The following TOMM20L variants were observed in gnomAD, a reference collection of about 807,000 sequenced individuals.
TOMM20L encodes translocase of outer mitochondrial membrane 20 like, also known as TOMM20-like protein 1.
Under a neutral mutation model 20.4 loss-of-function variants are expected in TOMM20L, and 19 were observed. The ratio of observed to expected loss-of-function variants is 0.93; its 90% confidence interval spans 0.65 to 1.36. TOMM20L has a LOEUF of 1.36. Ranked by LOEUF, TOMM20L falls within the 40% of genes most tolerant of loss-of-function variation. TOMM20L has a pLI of 0.00. For synonymous variants in TOMM20L, 75 were observed against 79.6 expected, an observed-to-expected ratio of 0.94 and a Z score of 0.30; for missense variants, 218 against 203.7, an observed-to-expected ratio of 1.07 and a Z score of -0.43.
rs779858937 is a variant in TOMM20L, at chr14:58,408,511, ATTT to A, written c.406-16_406-14del. 5.6e-6 allele frequency: 9 copies of A among 1,612,378 alleles called. 1 individual carries two copies. Among genetic ancestry groups the A allele is most frequent in the East Asian group, 2.2e-5 (1 of 44,862 alleles). Reference sequence around the variant, plus strand: ...GCATTGAAATGATTAGCAAGTAACTATTTTATGTATTCACCAGCAATTTGAGGC... The same window carrying A: ...GCATTGAAATGATTAGCAAGTAACTATATGTATTCACCAGCAATTTGAGGC... On this transcript the variant is annotated splice_polypyrimidine_tract_variant and intron_variant, in intron 4 of 4. Transcript: ENST00000360945.
intron 2 of TOMM20L, among the ~76,000 whole-genome samples, chr14:58,397,388 C>T (rs1173866645): frequency 2.0e-5 from 3 of 152,168 alleles, no homozygotes; most frequent in Non-Finnish European, 4.4e-5. Context: ...TTGAAGCCTA[C>T]TCAATTTAAA....
chr14:58,396,478 C>T lies in TOMM20L; in HGVS notation c.180+137C>T, dbSNP rs564071540. On this transcript the variant is annotated intron_variant, in intron 2 of 4. Transcript: ENST00000360945. ...GTGCCCGGGAAGAGGCCTGCCCTCGCGCGCCACGCACCGCCTCAGGCCCAG... is the reference window on the plus strand; with the variant it reads ...GTGCCCGGGAAGAGGCCTGCCCTCGTGCGCCACGCACCGCCTCAGGCCCAG... 6.0e-5 allele frequency: 53 copies of T among 888,102 alleles called. No individual in the cohort carries two copies. In the East Asian group the frequency reaches 1.5e-3, roughly 25 times the overall value. The allele number at this position is 888,102 out of a possible 1,614,324, so 55.0% of individuals were successfully genotyped here.
chr14:58,404,350 C>T (rs2036032297), intron 3 of TOMM20L, among the ~76,000 whole-genome samples: 1 of 148,662 alleles, frequency 6.7e-6, no homozygotes, highest in Non-Finnish European at 1.5e-5. Flanking sequence ...GGGATGGTCT[C>T]GATCTCCTGA....
At chr14:58,411,942 C>A, downstream of TOMM20L, 2 of 1,613,566 alleles carry the variant, frequency 1.2e-6, no homozygotes, top group Non-Finnish European at 1.7e-6. Flanking sequence ...ATTTGTGCAG[C>A]CATATTCTTC....
intron 2 of TOMM20L, among the ~76,000 whole-genome samples, chr14:58,400,041 T>G (rs1298666218): frequency 6.6e-6 from 1 of 151,550 alleles, no homozygotes; most frequent in Non-Finnish European, 1.5e-5. Context: ...CTTATGCTGT[T>G]AGAGTAAATT....
At chr14:58,408,417 C>CA (rs372466195) in intron 4 of TOMM20L, 112 bp from the exon 5 acceptor site, 131,960 of 703,888 alleles carry the variant, frequency 0.19, 61 homozygotes, top group Non-Finnish European at 0.2. Context: ...AACTCCGTCT[C>CA]AAAAAAAAAA....
intron 3 of TOMM20L, among the ~76,000 whole-genome samples, chr14:58,403,950 T>C (rs2036021539): frequency 6.7e-6 from 1 of 148,748 alleles, no homozygotes; most frequent in Admixed American, 6.9e-5. Flanking sequence ...ATTATTATTG[T>C]ATAAATATTA....
At position 58,396,255 on chromosome 14, in the gene TOMM20L, T is replaced by C. The variant is rs770021698; in HGVS notation, c.137-43T>C. ...GGACCACTGGGCCCACGCGTGCCTC[T>C]GGACGGGCCTCCCAGCCAGCATGTG... On this transcript the variant is annotated intron_variant, in intron 1 of 4. Transcript: ENST00000360945. 6 of 1,611,064 alleles carry C rather than the reference T, an allele frequency of 3.7e-6. No individual in the cohort carries two copies. In the Admixed American group the frequency reaches 6.7e-5, roughly 18 times the overall value.
At chr14:58,404,128 T>TA in intron 3 of TOMM20L, among the ~76,000 whole-genome samples, 7 of 6,192 alleles carry the variant, frequency 1.1e-3, no homozygotes, top group African/African-American at 2.0e-3. Context: ...TATTTTTTTT[T>TA]TTTTTTTTTT....
chr14:58,410,728 A>G (rs188305652), downstream of TOMM20L: 19 of 717,400 alleles, frequency 2.6e-5, no homozygotes, highest in Admixed American at 2.5e-4. Flanking sequence ...GCAATGGAAC[A>G]TAAAAGGTAG....
downstream of TOMM20L, among the ~76,000 whole-genome samples, chr14:58,411,472 C>T (rs145369619): frequency 8.9e-4 from 135 of 150,910 alleles, no homozygotes; most frequent in Middle Eastern, 3.4e-3. Context: ...AAGAAAAATA[C>T]GTACACTTTA....
At chr14:58,410,237 A>AT (rs1044677682), downstream of TOMM20L, among the ~76,000 whole-genome samples, 11 of 150,714 alleles carry the variant, frequency 7.3e-5, no homozygotes, top group African/African-American at 2.7e-4. Flanking sequence ...TGTCTAGCTA[A>AT]TTTTTTTTTG....
intron 2 of TOMM20L, among the ~76,000 whole-genome samples, chr14:58,400,422 CA>C (rs1294392495): frequency 1.3e-3 from 74 of 56,416 alleles, no homozygotes; most frequent in Non-Finnish European, 1.3e-3. Flanking sequence ...ACTCTGTCTC[CA>C]AAAAAAAAAA....
chr14:58,396,165 C>T, intron 1 of TOMM20L, 72 bp downstream of exon 1: 7 of 1,330,046 alleles, frequency 5.3e-6, no homozygotes, highest in Non-Finnish European at 6.8e-6. Context: ...GAGGGCCCCC[C>T]ACTGAGAGGC....
downstream of TOMM20L, among the ~76,000 whole-genome samples, chr14:58,411,603 G>C (rs536239898): frequency 3.3e-5 from 5 of 151,384 alleles, no homozygotes; most frequent in African/African-American, 9.7e-5. Flanking sequence ...GCAATGCCAC[G>C]ATCTCGGCTC....
At chr14:58,402,659 A>T (rs1347505409) in intron 2 of TOMM20L, 21 bp from the exon 3 acceptor site, 1 of 1,581,140 alleles carries the variant, frequency 6.3e-7, no homozygotes, top group Non-Finnish European at 8.7e-7. Context: ...CTCATTGTTG[A>T]ATATTTTATG....
chr14:58,396,607 T>C (rs2035926865), intron 2 of TOMM20L, among the ~76,000 whole-genome samples: 1 of 152,214 alleles, frequency 6.6e-6, no homozygotes, highest in African/African-American at 2.4e-5. Context: ...TTCTTTTAAC[T>C]GGAAGAAGGA....
intron 2 of TOMM20L, among the ~76,000 whole-genome samples, chr14:58,399,690 C>G (rs1311988979): frequency 6.6e-6 from 1 of 151,666 alleles, no homozygotes; most frequent in South Asian, 2.1e-4. Flanking sequence ...TCTGGACATT[C>G]TGTTGGCACC....
chr14:58,411,446 CAA>C (rs1176271404), downstream of TOMM20L, among the ~76,000 whole-genome samples: 2 of 133,352 alleles, frequency 1.5e-5, no homozygotes, highest in African/African-American at 2.8e-5. Context: ...AGACTGTGTC[CAA>C]AAAAAAAAAG....
Sources: gnomAD v4.1 joint callset for allele counts (sites outside exome capture counted in the v4.1 genomes callset) on GRCh38, gnomAD v4.1.1 for gene constraint, MANE v1.5 for transcripts, NCBI Gene and HGNC (gene_info 2026-07-23, HGNC 2026-07-21) for gene names.